The following GFPT1 variants were observed in gnomAD, a reference collection of about 807,000 sequenced individuals.
GFPT1 encodes the protein glutamine--fructose-6-phosphate transaminase 1.
Under a neutral mutation model 92.0 loss-of-function variants are expected in GFPT1, and 40 were observed. The observed-to-expected ratio is 0.43, with a 90% CI of 0.34 to 0.57. The LOEUF (loss-of-function observed/expected upper bound fraction) is 0.57, where lower values mean the gene tolerates loss of function less well. GFPT1 is among the 20% of genes least tolerant of loss of function. The probability of loss-of-function intolerance (pLI) is 0.02; values close to 1 mark genes in which losing one functional copy is unlikely to be tolerated. For synonymous variants in GFPT1, 269 were observed against 280.6 expected (o/e 0.96, Z 0.41); for missense variants, 448 against 869.1 (o/e 0.52, Z 6.09).
intron 9 of GFPT1, among the ~76,000 whole-genome samples, 167 bp from the exon 10 acceptor site, chr2:69,350,350 T>A (rs1574062296): frequency 6.6e-6 from 1 of 152,086 alleles, no homozygotes. Context: ...AATAAGCCAA[T>A]AAGAACAGAC....
intron 12 of GFPT1, among the ~76,000 whole-genome samples, chr2:69,344,186 C>CA (rs10602884): frequency 0.015 from 955 of 64,246 alleles, 1 homozygote; most frequent in East Asian, 0.037. Context: ...AAAAGCAAAG[C>CA]AAAAAAAAAA....
intron 14 of GFPT1, 107 bp downstream of exon 14, chr2:69,338,338 T>A: frequency 2.2e-6 from 2 of 925,038 alleles, no homozygotes; most frequent in Non-Finnish European, 3.5e-6. Flanking sequence ...ATTCGTCAAG[T>A]CATCTGCAAT....
chr2:69,366,130 T>A (rs899269700), intron 3 of GFPT1, among the ~76,000 whole-genome samples: 8 of 147,760 alleles, frequency 5.4e-5, no homozygotes, highest in Non-Finnish European at 7.3e-5. Context: ...ACAACTTTTT[T>A]AAGCTAACTA....
rs556466913 is a variant in GFPT1, at chr2:69,324,160, T to C, written c.*2029A>G. ...CACTTCTTTGTTCTTGATTTTGGTT[T>C]TTGATATTCAGTTTAGAACTTACCC... On this transcript the variant is annotated 3_prime_UTR_variant, in exon 20 of 20. Transcript: ENST00000357308. 6.6e-6 allele frequency: 1 copy of C among 152,356 alleles called. No homozygotes were observed. The highest frequency in any genetic ancestry group is 2.1e-4 in the South Asian group (1 of 4,822). The allele number at this position is 152,356 out of a possible 1,614,324, so 9.4% of individuals were successfully genotyped here.
At chr2:69,381,703 A>C (rs1328423726) in intron 1 of GFPT1, among the ~76,000 whole-genome samples, 1 of 143,444 alleles carries the variant, frequency 7.0e-6, no homozygotes, top group Non-Finnish European at 1.5e-5. Flanking sequence ...ACAGGTATGC[A>C]CCACCATGCC....
chr2:69,377,588 A>T (rs1008664253), intron 1 of GFPT1, among the ~76,000 whole-genome samples: 5 of 151,802 alleles, frequency 3.3e-5, no homozygotes, highest in Admixed American at 6.6e-5. Context: ...TGAACCTGGG[A>T]GGCAGAGGTT....
intron 1 of GFPT1, among the ~76,000 whole-genome samples, chr2:69,381,720 A>T (rs1409590207): frequency 1.4e-5 from 2 of 146,152 alleles, no homozygotes; most frequent in Non-Finnish European, 3.0e-5. Flanking sequence ...TGCCTGGCTA[A>T]TTTTTTTTTT....
intron 3 of GFPT1, among the ~76,000 whole-genome samples, chr2:69,364,994 C>CAA (rs58848043): frequency 0.08 from 3,536 of 44,054 alleles, 942 homozygotes; most frequent in African/African-American, 0.2. Flanking sequence ...GACTCCCTCT[C>CAA]AAAAAAAAAA....
rs911279863 is a variant in GFPT1 at position 69,324,732 on chromosome 2, C to T, written c.*1457G>A. On this transcript the variant is annotated 3_prime_UTR_variant, in exon 20 of 20. Transcript: ENST00000357308. ...TTACTTAAATAATTGTGCTAAATAG[C>T]TTATCTTCACAATTTAAAAGTAAAA... The T allele has an allele frequency of 3.3e-5, 5 of 152,076 alleles. No homozygotes were observed. The highest frequency in any genetic ancestry group is 7.2e-5 in the African/African-American group (3 of 41,406). 9.4% of individuals were successfully genotyped at this position (152,076 alleles called of 1,614,324 possible).
chr2:69,359,400 G>T, intron 4 of GFPT1, 74 bp from the exon 5 acceptor site: 1 of 856,940 alleles, frequency 1.2e-6, no homozygotes, highest in Non-Finnish European at 2.0e-6. Flanking sequence ...TACTCTAACT[G>T]GATTTTTCTC....
intron 4 of GFPT1, 115 bp from the exon 5 acceptor site, chr2:69,359,441 A>C (rs1349912449): frequency 1.6e-6 from 1 of 640,458 alleles, no homozygotes; most frequent in Middle Eastern, 4.3e-4. Context: ...GCTATATACT[A>C]TTTATGTTAT....
At position 69,387,098 on chromosome 2, in the gene GFPT1, C is replaced by A; in HGVS notation, c.-27G>T. 1.3e-6 allele frequency: 2 copies of A among 1,532,742 alleles called. No homozygotes were observed. The highest frequency in any genetic ancestry group is 1.7e-6 in the Non-Finnish European group (2 of 1,145,150). 94.9% of individuals were successfully genotyped at this position (1,532,742 alleles called of 1,614,324 possible). A position where few individuals can be genotyped will look rare whatever the true frequency, so the allele number is the denominator to read the frequency against. On this transcript the variant is annotated 5_prime_UTR_variant, in exon 1 of 20. Coordinates refer to ENST00000357308, the MANE Select transcript of GFPT1 (RefSeq NM_001244710.2). ...ATGCCGGAGACACGGCCCGCGAGGCCAGGGGCGAGTGGCTGGCGGGATCGG... is the reference window on the plus strand; with the variant it reads ...ATGCCGGAGACACGGCCCGCGAGGCAAGGGGCGAGTGGCTGGCGGGATCGG...
chr2:69,350,005 A>G, intron 10 of GFPT1, 73 bp downstream of exon 10: 1 of 996,766 alleles, frequency 1.0e-6, no homozygotes, highest in Non-Finnish European at 1.6e-6. Context: ...ACTGATACAC[A>G]ATGACTTCTT....
chr2:69,379,876 CGCCCA>C (rs1425252464), intron 1 of GFPT1, among the ~76,000 whole-genome samples: 1 of 151,926 alleles, frequency 6.6e-6, no homozygotes, highest in Admixed American at 6.6e-5. Flanking sequence ...TAAGCTACCA[CGCCCA>C]GTTATTTTTT....
intron 1 of GFPT1, among the ~76,000 whole-genome samples, chr2:69,382,054 G>T (rs1184302871): frequency 1.3e-5 from 2 of 151,666 alleles, no homozygotes; most frequent in Non-Finnish European, 2.9e-5. Context: ...AGTAGAGATG[G>T]GGCTTCGCTA....
At chr2:69,358,177 A>G in intron 6 of GFPT1, 152 bp downstream of exon 6, 1 of 646,742 alleles carries the variant, frequency 1.5e-6, no homozygotes, top group Non-Finnish European at 2.7e-6. Context: ...TAAATCAATC[A>G]GTTTCTCAAA....
At chr2:69,331,668 AG>A (rs1397831160) in intron 15 of GFPT1, among the ~76,000 whole-genome samples, 1 of 152,104 alleles carries the variant, frequency 6.6e-6, no homozygotes, top group Non-Finnish European at 1.5e-5. Context: ...TAATTGTATT[AG>A]TATTGTGAAT....
At chr2:69,373,384 A>G (rs2104687017) in intron 2 of GFPT1, among the ~76,000 whole-genome samples, 1 of 152,326 alleles carries the variant, frequency 6.6e-6, no homozygotes, top group African/African-American at 2.4e-5. Flanking sequence ...TGAAAGGCCA[A>G]GGCAGGAGGA....
rs180730059 is a variant in GFPT1 at position 69,379,686 on chromosome 2, T to C, written c.8-5573A>G. Among the ~76,000 whole-genome samples the C allele has an allele frequency of 2.2e-3, 338 of 151,828 alleles. 2 individuals carry two copies. The highest frequency in any genetic ancestry group is 7.7e-3 in the African/African-American group (318 of 41,418). Reference sequence around the variant, plus strand: ...CCAAGTAGCTGGGACCACAGGCACATGCTAATGTGCCTGTAATTTATTTAT... The same window carrying C: ...CCAAGTAGCTGGGACCACAGGCACACGCTAATGTGCCTGTAATTTATTTAT... On this transcript the variant is annotated intron_variant, in intron 1 of 19. Coordinates refer to ENST00000357308, the MANE Select transcript of GFPT1 (RefSeq NM_001244710.2).
Sources: gnomAD v4.1 joint callset for allele counts (sites outside exome capture counted in the v4.1 genomes callset) on GRCh38, gnomAD v4.1.1 for gene constraint, MANE v1.5 for transcripts, NCBI Gene and HGNC (gene_info 2026-07-23, HGNC 2026-07-21) for gene names.